BLM: variants seen among roughly 807,000 people sequenced by gnomAD.
BLM encodes the protein recQ-like DNA helicase BLM.
A neutral mutation model predicts 135.3 loss-of-function variants in BLM; 95 were observed. The ratio of observed to expected loss-of-function variants is 0.70; its 90% CI spans 0.59 to 0.83. The LOEUF is 0.83. BLM is among the 40% of genes least tolerant of loss of function. BLM has a pLI of 0.00. For synonymous variants in BLM, 520 were observed against 589.2 expected (o/e 0.88, Z 1.70); for missense variants, 1,518 against 1,663.9 (o/e 0.91, Z 1.53).
At chr15:90,762,020 A>C in intron 7 of BLM, among the ~76,000 whole-genome samples, 1 of 152,176 alleles carries the variant, frequency 6.6e-6, no homozygotes, top group East Asian at 1.9e-4. Context: ...TTTGCCATTG[A>C]TGACTTAATA....
intron 16 of BLM, 47 bp downstream of exon 16, chr15:90,794,404 C>T: frequency 2.8e-6 from 4 of 1,404,968 alleles, no homozygotes; most frequent in Admixed American, 2.4e-5. Context: ...TTTTTTTTCT[C>T]TTACTTTAAA....
rs564613918 is a variant in BLM, at chr15:90,798,485, AATT to A, written c.3358+154_3358+156del. ...AACTTTTAAGTAACAAAAGAAAGTC[AATT>A]ATTATACTGTTTTATATAATGTATA... is the stretch of plus-strand genomic sequence containing the variant. On this transcript the variant is annotated intron_variant, in intron 17 of 21. Transcript: ENST00000355112. 1.2e-5 allele frequency: 9 copies of A among 743,064 alleles called. 1 individual carries two copies. Among genetic ancestry groups the A allele is most frequent in the African/African-American group, 1.1e-4 (6 of 56,402 alleles). 46.0% of individuals were successfully genotyped at this position (743,064 alleles called of 1,614,324 possible). A position where few individuals can be genotyped will look rare whatever the true frequency, so the allele number is the denominator to read the frequency against.
chr15:90,789,042 GATATATAT>G (rs10598894), intron 14 of BLM, among the ~76,000 whole-genome samples: 1 of 146,254 alleles, frequency 6.8e-6, no homozygotes, highest in South Asian at 2.2e-4. Flanking sequence ...CTACAATGGA[GATATATAT>G]ATATATATAT....
intron 1 of BLM, among the ~76,000 whole-genome samples, chr15:90,724,490 T>A (rs1225726198): frequency 6.6e-6 from 1 of 152,102 alleles, no homozygotes; most frequent in Admixed American, 6.6e-5. Flanking sequence ...GTGTCCTACA[T>A]TTAGCTCAGG....
At chr15:90,728,313 G>A (rs1894970850) in intron 1 of BLM, among the ~76,000 whole-genome samples, 2 of 152,116 alleles carry the variant, frequency 1.3e-5, no homozygotes, top group South Asian at 2.1e-4. Flanking sequence ...TGGGATTATA[G>A]GCATGAGCCA....
Position 90,781,244 on chromosome 15 carries a change from T to A in BLM, c.2556-1578T>A, listed in dbSNP as rs143107649. Among the ~76,000 whole-genome samples the A allele has an allele frequency of 2.1e-3, 322 of 152,318 alleles. 1 individual carries two copies. The highest frequency in any genetic ancestry group is 7.5e-3 in the African/African-American group (311 of 41,574). ...TTAACTCCTTCTGCTGTCCTGCAGTTAGCTTTTTATGTATCCTGGGGTGTC... is the reference window on the plus strand; with the variant it reads ...TTAACTCCTTCTGCTGTCCTGCAGTAAGCTTTTTATGTATCCTGGGGTGTC... On this transcript the variant is annotated intron_variant, in intron 12 of 21. Coordinates refer to ENST00000355112, the MANE Select transcript of BLM (RefSeq NM_000057.4).
rs1596273669 is a variant in BLM, at chr15:90,811,351, G to T, written c.4021G>T (p.Ala1341Ser). Reference protein sequence around the residue: ...RNERKRKKMPASQRSKRRKTA... With the variant: ...RNERKRKKMPSSQRSKRRKTA... ...TGAAAGGAAGAGGAAAAAGATGCCA[G>T]CCTCCCAAAGGTCTAAGAGGAGAAA... Residue 1341 changes from alanine to serine, a missense_variant, in exon 21 of 22, where the codon GCC (alanine) becomes TCC (serine). By Grantham distance (99) the Ala-to-Ser change is moderately conservative (BLOSUM62 1). Transcript: ENST00000355112. 6.2e-7 allele frequency: 1 copy of T among 1,614,166 alleles called. No individual in the cohort carries two copies. The highest frequency in any genetic ancestry group is 8.5e-7 in the Non-Finnish European group (1 of 1,180,032).
chr15:90,749,276 C>CCAT, intron 2 of BLM, 91 bp from the exon 3 acceptor site: 2 of 871,354 alleles, frequency 2.3e-6, no homozygotes, highest in Non-Finnish European at 3.6e-6. Flanking sequence ...TTAATGTAAC[C>CCAT]TGTGTGAATT....
chr15:90,760,449 T>C, intron 6 of BLM, 145 bp from the exon 7 acceptor site: 2 of 1,219,490 alleles, frequency 1.6e-6, no homozygotes, highest in Non-Finnish European at 2.3e-6. Context: ...TCCTTTAACA[T>C]TCGTATTCAT....
chr15:90,813,429 T>C (rs1031688608), intron 21 of BLM, among the ~76,000 whole-genome samples: 2 of 152,124 alleles, frequency 1.3e-5, no homozygotes, highest in Non-Finnish European at 2.9e-5. Context: ...GTTTTGCTCT[T>C]GTCACCCAGG....
rs375331228 is a variant in BLM at position 90,815,285 on chromosome 15, G to T, written c.*6G>T. 47 of 1,612,620 alleles carry T rather than the reference G, an allele frequency of 2.9e-5. No individual in the cohort carries two copies. In the African/African-American group the frequency reaches 5.7e-4, roughly 20 times the overall value. On this transcript the variant is annotated 3_prime_UTR_variant, in exon 22 of 22. Transcript: ENST00000355112. This position sits in a 1 kb window ranked among gnomAD's most constrained non-coding sequence, Gnocchi z 4.6. ...CTTCATATGCATTCTCATAACAACC[G>T]AATCTCAATGTACATAGACCCTCTT...
rs939336599 is a variant in BLM at position 90,809,362 on chromosome 15, C to T, written c.3874+103C>T. 53 of 1,566,004 alleles carry T rather than the reference C, an allele frequency of 3.4e-5. No individual in the cohort carries two copies. In the African/African-American group the frequency reaches 3.9e-4, roughly 12 times the overall value. On this transcript the variant is annotated intron_variant, in intron 20 of 21. Coordinates refer to ENST00000355112, the MANE Select transcript of BLM (RefSeq NM_000057.4). ...AGTTGTGTGAATGCTTCCTACACCT[C>T]GTCACACTGACATCCAAGTCAGCCC...
At chr15:90,788,927 C>T (rs1030151419) in intron 14 of BLM, among the ~76,000 whole-genome samples, 1 of 149,384 alleles carries the variant, frequency 6.7e-6, no homozygotes, top group African/African-American at 2.5e-5. Context: ...GAGCCAAAAT[C>T]ACGCCACTGC....
chr15:90,795,118 A>G (rs1896999020), intron 16 of BLM, among the ~76,000 whole-genome samples: 1 of 152,238 alleles, frequency 6.6e-6, no homozygotes, highest in Non-Finnish European at 1.5e-5. Flanking sequence ...CTGGAGAGCC[A>G]CAAGTGACCA....
At chr15:90,775,109 C>T (rs536622339) in intron 12 of BLM, among the ~76,000 whole-genome samples, 2 of 152,154 alleles carry the variant, frequency 1.3e-5, no homozygotes, top group South Asian at 4.1e-4. Context: ...TTGCCTATTG[C>T]AGTCATTGAG....
chr15:90,783,752 G>A (rs976847842), intron 13 of BLM, among the ~76,000 whole-genome samples: 5 of 152,136 alleles, frequency 3.3e-5, no homozygotes, highest in South Asian at 2.1e-4. Flanking sequence ...TTATCCAGAC[G>A]TGGTGGCACG....
intron 9 of BLM, among the ~76,000 whole-genome samples, chr15:90,766,261 T>A (rs1896123748): frequency 6.6e-6 from 1 of 152,142 alleles, no homozygotes. Context: ...TCATTGTCAT[T>A]AATCTTTAAA....
intron 14 of BLM, among the ~76,000 whole-genome samples, chr15:90,788,367 A>G (rs1053096362): frequency 6.6e-5 from 10 of 152,038 alleles, no homozygotes; most frequent in Non-Finnish European, 1.2e-4. Context: ...TCATTTTCAG[A>G]TATGCAAAAA....
At chr15:90,735,137 A>G (rs1453827729) in intron 1 of BLM, among the ~76,000 whole-genome samples, 1 of 151,032 alleles carries the variant, frequency 6.6e-6, no homozygotes, top group Non-Finnish European at 1.5e-5. Context: ...ACCTAGGTGA[A>G]GAAATCTTTA....
Sources: gnomAD v4.1 joint callset for allele counts (sites outside exome capture counted in the v4.1 genomes callset) on GRCh38, gnomAD v4.1.1 for gene constraint, Gnocchi (gnomAD v3.1) non-coding constraint, MANE v1.5 for transcripts, NCBI Gene and HGNC (gene_info 2026-07-23, HGNC 2026-07-21) for gene names.